Variants in ZNF521 observed in about 807,000 individuals in gnomAD.
The protein encoded by ZNF521 is zinc finger protein 521.
A neutral mutation model predicts 105.5 loss-of-function variants in ZNF521; 14 were observed. The ratio of observed to expected loss-of-function variants is 0.13; its 90% confidence interval spans 0.09 to 0.21. The LOEUF is 0.21. ZNF521 is among the 10% of genes least tolerant of loss of function. The pLI, the probability that ZNF521 is intolerant of heterozygous loss-of-function variation, is 1.00. For synonymous variants in ZNF521, 635 were observed against 606.0 expected (o/e 1.05, Z -0.70); for missense variants, 1,233 against 1,629.7 (o/e 0.76, Z 4.19).
chr18:25,139,979 C>T (rs2034816074), intron 5 of ZNF521, among the ~76,000 whole-genome samples: 1 of 152,122 alleles, frequency 6.6e-6, no homozygotes, highest in Non-Finnish European at 1.5e-5. Flanking sequence ...GGAAGCTGGC[C>T]CTCACCAGAC....
intron 2 of ZNF521, among the ~76,000 whole-genome samples, chr18:25,350,614 T>G (rs1914695544): frequency 6.6e-6 from 1 of 151,996 alleles, no homozygotes; most frequent in Non-Finnish European, 1.5e-5. Context: ...CTCCGGATAA[T>G]TTCGTTTCTT....
At chr18:25,283,841 C>T (rs750648441) in intron 3 of ZNF521, among the ~76,000 whole-genome samples, 19 of 151,700 alleles carry the variant, frequency 1.3e-4, no homozygotes, top group African/African-American at 4.6e-4. Flanking sequence ...CACTTTTAAA[C>T]GGAATCAGTT....
chr18:25,192,270 C>A (rs1385918591), intron 5 of ZNF521, among the ~76,000 whole-genome samples: 2 of 152,090 alleles, frequency 1.3e-5, no homozygotes, highest in Non-Finnish European at 2.9e-5. Context: ...CAACTCAGAC[C>A]ATGTGTCCAC....
intron 5 of ZNF521, among the ~76,000 whole-genome samples, chr18:25,191,974 G>A (rs2035825906): frequency 2.0e-5 from 3 of 152,044 alleles, no homozygotes; most frequent in Admixed American, 2.0e-4. Context: ...TGTATTCTCA[G>A]GTCAAAAGCC....
intron 5 of ZNF521, among the ~76,000 whole-genome samples, chr18:25,167,016 G>A (rs569990930): frequency 2.6e-5 from 4 of 152,214 alleles, no homozygotes; most frequent in African/African-American, 9.6e-5. Flanking sequence ...TCTCATCACT[G>A]CTTTTCTGCT....
chr18:25,174,642 T>C (rs73404909), intron 5 of ZNF521, among the ~76,000 whole-genome samples: 184 of 152,326 alleles, frequency 1.2e-3, no homozygotes, highest in African/African-American at 4.3e-3. Context: ...TCACCCAATG[T>C]AACTTGCCAT....
rs1367866942 is a variant in ZNF521 at position 25,182,239 on chromosome 18, C to T, written c.3658+12921G>A. 2.6e-5 allele frequency among the ~76,000 whole-genome samples: 4 copies of T among 152,228 alleles called. No homozygotes were observed. In the East Asian group the frequency reaches 7.7e-4, roughly 29 times the overall value. On this transcript the variant is annotated intron_variant, in intron 5 of 7. Transcript: ENST00000361524. Reference sequence around the variant, plus strand: ...AGCAGGAGGCAACCCCTGTGAAGAGCAAATTCTGGCAAAGTTCTCTCTTCA... The same window carrying T: ...AGCAGGAGGCAACCCCTGTGAAGAGTAAATTCTGGCAAAGTTCTCTCTTCA...
At chr18:25,164,331 A>G (rs1231418827) in intron 5 of ZNF521, among the ~76,000 whole-genome samples, 2 of 152,164 alleles carry the variant, frequency 1.3e-5, no homozygotes, top group Non-Finnish European at 2.9e-5. Context: ...GCCAACCCCA[A>G]TAGATGAGGT....
chr18:25,273,774 A>G (rs530809722), intron 3 of ZNF521, among the ~76,000 whole-genome samples: 7 of 152,312 alleles, frequency 4.6e-5, no homozygotes, highest in South Asian at 4.1e-4. Flanking sequence ...TTTACTTTCT[A>G]AAAGTTTCTA....
chr18:25,211,875 T>G (rs2036185479), intron 4 of ZNF521, among the ~76,000 whole-genome samples: 1 of 152,240 alleles, frequency 6.6e-6, no homozygotes, highest in African/African-American at 2.4e-5. Flanking sequence ...TTTAAACCAC[T>G]AATTTTTATA....
At chr18:25,335,254 TAAATC>T (rs1176445016) in intron 2 of ZNF521, among the ~76,000 whole-genome samples, 1 of 152,198 alleles carries the variant, frequency 6.6e-6, no homozygotes, top group East Asian at 1.9e-4. Context: ...CCTAGAATTA[TAAATC>T]AAGAGACTGA....
At chr18:25,349,049 T>C (rs1209470740) in intron 2 of ZNF521, among the ~76,000 whole-genome samples, 1 of 152,118 alleles carries the variant, frequency 6.6e-6, no homozygotes, top group South Asian at 2.1e-4. Context: ...GTGCAAACTT[T>C]AATAAACTTT....
chr18:25,290,087 T>G (rs1029113178), intron 3 of ZNF521, among the ~76,000 whole-genome samples: 3 of 152,206 alleles, frequency 2.0e-5, no homozygotes, highest in Non-Finnish European at 2.9e-5. Context: ...TAAAACTGCC[T>G]GTCAAAGCAA....
intron 5 of ZNF521, among the ~76,000 whole-genome samples, chr18:25,101,602 T>A (rs896654766): frequency 1.6e-4 from 24 of 152,254 alleles, no homozygotes; most frequent in African/African-American, 5.1e-4. Flanking sequence ...GAAAAGGTAT[T>A]CTTTGGACAG....
chr18:25,271,178 C>A (rs1160937430), intron 3 of ZNF521, among the ~76,000 whole-genome samples: 2 of 152,166 alleles, frequency 1.3e-5, no homozygotes, highest in East Asian at 3.9e-4. Context: ...ACAATTGCTA[C>A]AAGGAGAATA....
intron 5 of ZNF521, among the ~76,000 whole-genome samples, chr18:25,151,241 C>T (rs1242335687): frequency 6.6e-6 from 1 of 152,176 alleles, no homozygotes; most frequent in Non-Finnish European, 1.5e-5. Flanking sequence ...GCTTTAGATA[C>T]ACTCTTCCTC....
chr18:25,069,100 G>A (rs1174832730), intron 7 of ZNF521, among the ~76,000 whole-genome samples: 1 of 152,226 alleles, frequency 6.6e-6, no homozygotes, highest in East Asian at 1.9e-4. Flanking sequence ...TCTCTGGTTC[G>A]AATCAATATA....
At chr18:25,079,416 G>A (rs931098611) in intron 7 of ZNF521, among the ~76,000 whole-genome samples, 1 of 152,150 alleles carries the variant, frequency 6.6e-6, no homozygotes, top group Non-Finnish European at 1.5e-5. Context: ...AGTCAGCGAC[G>A]GGTTTAAGGC....
rs1027031628 is a variant in ZNF521, at chr18:25,224,225, C to T, written c.3573+120G>A. 7.4e-6 allele frequency: 7 copies of T among 950,568 alleles called. No homozygotes were observed. The African/African-American group carries it at 9.9e-5, about 13-fold the overall frequency. 58.9% of individuals were successfully genotyped at this position (950,568 alleles called of 1,614,324 possible). Reference sequence around the variant, plus strand: ...CTATGGGGGAAAAAGAAACCCACTGCATTTCAATCTAAGCATCTTTTGGCC... The same window carrying T: ...CTATGGGGGAAAAAGAAACCCACTGTATTTCAATCTAAGCATCTTTTGGCC... On this transcript the variant is annotated intron_variant, in intron 4 of 7. Coordinates refer to ENST00000361524, the MANE Select transcript of ZNF521 (RefSeq NM_015461.3).
Sources: gnomAD v4.1 joint callset for allele counts (sites outside exome capture counted in the v4.1 genomes callset) on GRCh38, gnomAD v4.1.1 for gene constraint, MANE v1.5 for transcripts, NCBI Gene and HGNC (gene_info 2026-07-23, HGNC 2026-07-21) for gene names.